HDAC9: variants seen among roughly 807,000 people sequenced by gnomAD.
The protein encoded by HDAC9 is histone deacetylase 9.
A neutral mutation model predicts 139.4 loss-of-function variants in HDAC9; 41 were observed. The ratio of observed to expected loss-of-function variants is 0.29; its 90% CI spans 0.23 to 0.38. The LOEUF is 0.38. HDAC9 is among the 10% of genes least tolerant of loss of function. The pLI is 1.00. For missense variants in HDAC9, 1,147 were observed against 1,297.0 expected, an observed-to-expected ratio of 0.88 and a Z score of 1.78; for synonymous variants, 517 against 476.2, an observed-to-expected ratio of 1.09 and a Z score of -1.12.
chr7:18,589,049 AC>A (rs1830223282), intron 3 of HDAC9, among the ~76,000 whole-genome samples: 1 of 152,146 alleles, frequency 6.6e-6, no homozygotes, highest in Non-Finnish European at 1.5e-5. Flanking sequence ...TCTCTCTCTT[AC>A]ATATGAGGAA....
intron 2 of HDAC9, among the ~76,000 whole-genome samples, chr7:18,503,589 G>A (rs867285317): frequency 3.3e-4 from 50 of 151,944 alleles, no homozygotes; most frequent in Admixed American, 2.6e-4. Context: ...TGGGCTTTTC[G>A]TGTACAGTGT....
intron 1 of HDAC9, among the ~76,000 whole-genome samples, chr7:18,373,373 A>G (rs1784739695): frequency 6.6e-6 from 1 of 152,186 alleles, no homozygotes; most frequent in South Asian, 2.1e-4. Context: ...ACCTTAAAAA[A>G]AAGGATAGCT....
At chr7:18,442,254 A>T (rs976316398) in intron 1 of HDAC9, among the ~76,000 whole-genome samples, 1 of 152,032 alleles carries the variant, frequency 6.6e-6, no homozygotes, top group African/African-American at 2.4e-5. Context: ...AGCATTTTCT[A>T]CCCCTATGTA....
At position 18,920,964 on chromosome 7, in the gene HDAC9, C is replaced by A. The variant is rs185592311; in HGVS notation, c.2804-14845C>A. Among the ~76,000 whole-genome samples, 10 of 151,830 alleles carry A rather than the reference C, an allele frequency of 6.6e-5. No individual in the cohort carries two copies. In the East Asian group the frequency reaches 1.9e-3, roughly 29 times the overall value. On this transcript the variant is annotated intron_variant, in intron 22 of 25. Transcript: ENST00000686413. ...ACTATCTGATCTTTGACAAACCTGACAAAAACAAGCAATGGGGAAAGGATT... is the reference window on the plus strand; with the variant it reads ...ACTATCTGATCTTTGACAAACCTGAAAAAAACAAGCAATGGGGAAAGGATT...
At chr7:18,854,122 A>G (rs1797501084) in intron 21 of HDAC9, among the ~76,000 whole-genome samples, 1 of 152,188 alleles carries the variant, frequency 6.6e-6, no homozygotes, top group Non-Finnish European at 1.5e-5. Context: ...CTATTTTAAA[A>G]ATCTTTCTGT....
chr7:18,545,069 A>T (rs145403437), intron 2 of HDAC9, among the ~76,000 whole-genome samples: 2 of 152,286 alleles, frequency 1.3e-5, no homozygotes, highest in African/African-American at 4.8e-5. Flanking sequence ...CAAAATAATG[A>T]TCTGGCTCCA....
At chr7:18,631,547 T>C (rs1782350920) in intron 7 of HDAC9, among the ~76,000 whole-genome samples, 1 of 152,076 alleles carries the variant, frequency 6.6e-6, no homozygotes, top group Admixed American at 6.6e-5. Context: ...GTTCAGTTGC[T>C]TTTGCTGTTA....
chr7:18,478,111 G>T (rs530911824), intron 1 of HDAC9, among the ~76,000 whole-genome samples: 5 of 151,042 alleles, frequency 3.3e-5, no homozygotes, highest in African/African-American at 1.2e-4. Flanking sequence ...TTGCTCTGTC[G>T]CCCAGGCTGG....
intron 22 of HDAC9, among the ~76,000 whole-genome samples, chr7:18,922,720 A>G (rs1398624291): frequency 6.6e-6 from 1 of 152,140 alleles, no homozygotes; most frequent in East Asian, 1.9e-4. Context: ...CCAATTATGC[A>G]GTAGGCTATA....
rs367810807 is a variant in HDAC9 at position 18,885,167 on chromosome 7, G to T, written c.2803+10571G>T. ...GGGCAATGTGGTCGTAAGGGTGAAA[G>T]CACAGCCTGGTCGTCCAGCAGAAAA... On this transcript the variant is annotated intron_variant, in intron 22 of 25. Coordinates refer to ENST00000686413, the MANE Select transcript of HDAC9 (RefSeq NM_178425.4). Among the ~76,000 whole-genome samples the T allele has an allele frequency of 1.1e-3, 173 of 152,350 alleles. 1 individual carries two copies. Among genetic ancestry groups the T allele is most frequent in the Non-Finnish European group, 1.7e-3 (114 of 68,030 alleles).
At chr7:18,446,804 T>C (rs1174292568) in intron 1 of HDAC9, among the ~76,000 whole-genome samples, 1 of 152,234 alleles carries the variant, frequency 6.6e-6, no homozygotes, top group Non-Finnish European at 1.5e-5. Flanking sequence ...GGCTGCCTTC[T>C]GTGTTAAAAG....
At chr7:18,235,893 A>G (rs539703410) in intron 2 of HDAC9, among the ~76,000 whole-genome samples, 5 of 152,338 alleles carry the variant, frequency 3.3e-5, no homozygotes, top group African/African-American at 1.2e-4. Context: ...AAGGGGGCCT[A>G]TGTGTACAAT....
At position 18,832,627 on chromosome 7, in the gene HDAC9, T is replaced by C. The variant is rs1342626585; in HGVS notation, c.2467-2840T>C. Among the ~76,000 whole-genome samples the C allele has an allele frequency of 3.3e-5, 5 of 152,198 alleles. No individual in the cohort carries two copies. The East Asian group carries it at 9.6e-4, about 29-fold the overall frequency. ...CACCAATAATTTTCTTATCTTAGTT[T>C]ATTATATATGTGTTGCCATGAAGAA... is the stretch of plus-strand genomic sequence containing the variant. On this transcript the variant is annotated intron_variant, in intron 19 of 25. Transcript: ENST00000686413.
intron 2 of HDAC9, among the ~76,000 whole-genome samples, chr7:18,572,031 G>C (rs1824470850): frequency 6.6e-6 from 1 of 151,148 alleles, no homozygotes; most frequent in African/African-American, 2.4e-5. Context: ...AAGAATTCCT[G>C]ATAGAAGAGT....
chr7:18,271,603 C>G (rs2128213817), intron 2 of HDAC9, among the ~76,000 whole-genome samples: 1 of 152,288 alleles, frequency 6.6e-6, no homozygotes, highest in African/African-American at 2.4e-5. Context: ...CATCCCTCAG[C>G]ATGAAGCACA....
Position 18,996,193 on chromosome 7 carries a change from A to G in HDAC9, c.*131A>G, listed in dbSNP as rs550973660. 6.6e-5 allele frequency: 40 copies of G among 608,160 alleles called. No homozygotes were observed. The highest frequency in any genetic ancestry group is 9.6e-5 in the Non-Finnish European group (33 of 344,922). 37.7% of individuals were successfully genotyped at this position (608,160 alleles called of 1,614,324 possible). On this transcript the variant is annotated 3_prime_UTR_variant, in exon 26 of 26. Transcript: ENST00000686413. ...CAATGGAACATAAACACTGGGCACA[A>G]AATTCTGAACAGCAGCTTCACTTGT...
In HDAC9 at chr7:18,748,962, G is replaced by A. The variant is rs372736588; in HGVS notation, c.1910-43G>A. ...ATCTCCTAACATGTGTCATTATCTTGTACTGTTACTCAATCTTGTCCTGTA... is the reference window on the plus strand; with the variant it reads ...ATCTCCTAACATGTGTCATTATCTTATACTGTTACTCAATCTTGTCCTGTA... On this transcript the variant is annotated intron_variant, in intron 13 of 25. Coordinates refer to ENST00000686413, the MANE Select transcript of HDAC9 (RefSeq NM_178425.4). 50 of 1,583,624 alleles carry A rather than the reference G, an allele frequency of 3.2e-5. No homozygotes were observed. The Middle Eastern group carries it at 8.3e-4, about 26-fold the overall frequency.
rs765825539 is a variant in HDAC9, at chr7:18,298,375, C to T, written c.-42+7860C>T. ...TATGTGTACATGTGCCATGCTGGTG[C>T]GCTACACCCAGTAACTCGTCATCTA... is the stretch of plus-strand genomic sequence containing the variant. On this transcript the variant is annotated intron_variant, in intron 1 of 3. Transcript: ENST00000413509. Among the ~76,000 whole-genome samples the T allele has an allele frequency of 6.6e-5, 10 of 151,262 alleles. 1 individual carries two copies. Among genetic ancestry groups the T allele is most frequent in the Admixed American group, 3.3e-4 (5 of 15,168 alleles).
Position 18,797,830 on chromosome 7 carries a change from G to GA in HDAC9, c.2322+4391dup, listed in dbSNP as rs1261415263. ...GGTGGCAGAGTAAGACTCCATCTCA[G>GA]AAAAAAAAAAAAATTCCTTTCGTCT... On this transcript the variant is annotated intron_variant, in intron 17 of 25. Coordinates refer to ENST00000686413, the MANE Select transcript of HDAC9 (RefSeq NM_178425.4). Among the ~76,000 whole-genome samples the GA allele has an allele frequency of 4.3e-3, 603 of 139,834 alleles. 3 individuals are homozygous for GA. The highest frequency in any genetic ancestry group is 0.011 in the African/African-American group (437 of 38,458). 91.7% of individuals were successfully genotyped at this position (139,834 alleles called of 152,430 possible).
Sources: allele counts gnomAD v4.1 joint callset (sites outside exome capture counted in the v4.1 genomes callset), GRCh38; gene constraint gnomAD v4.1.1; transcripts MANE v1.5; gene names NCBI Gene and HGNC (gene_info 2026-07-23, HGNC 2026-07-21).